The following RBFOX2 variants were observed in gnomAD, a reference collection of about 807,000 sequenced individuals.
RBFOX2 encodes the protein RNA binding protein fox-1 homolog 2.
In RBFOX2, 10 loss-of-function variants were observed where a neutral mutation model predicts 49.1. The observed-to-expected ratio is 0.20, with a 90% CI of 0.13 to 0.35. The LOEUF is 0.35. Ranked by LOEUF, RBFOX2 falls within the 10% of genes least tolerant of loss-of-function variation. The probability of loss-of-function intolerance (pLI) is 1.00; values close to 1 mark genes in which losing one functional copy is unlikely to be tolerated. For missense variants in RBFOX2, 323 were observed against 486.9 expected, an observed-to-expected ratio of 0.66 and a Z score of 3.17; for synonymous variants, 183 against 187.4, an observed-to-expected ratio of 0.98 and a Z score of 0.19.
intron 2 of RBFOX2, among the ~76,000 whole-genome samples, chr22:35,797,678 A>G (rs906399927): frequency 2.0e-5 from 3 of 152,218 alleles, no homozygotes; most frequent in Admixed American, 1.3e-4. Flanking sequence ...ACTGACCGTC[A>G]AAGCAAATAT....
At chr22:35,901,901 G>A (rs1477393958) in intron 1 of RBFOX2, among the ~76,000 whole-genome samples, 1 of 151,992 alleles carries the variant, frequency 6.6e-6, no homozygotes, top group Non-Finnish European at 1.5e-5. Context: ...GGCCAACATG[G>A]TGAAACCCCA....
chr22:35,802,590 G>C (rs1255073724), intron 2 of RBFOX2, among the ~76,000 whole-genome samples: 1 of 152,200 alleles, frequency 6.6e-6, no homozygotes, highest in Non-Finnish European at 1.5e-5. Context: ...AGAGAGGGCA[G>C]ATCTGACTTG....
At chr22:35,891,209 C>A (rs2047198451) in intron 1 of RBFOX2, among the ~76,000 whole-genome samples, 1 of 152,078 alleles carries the variant, frequency 6.6e-6, no homozygotes, top group South Asian at 2.1e-4. Flanking sequence ...TCTCGGCTCA[C>A]TGCAACCTCC....
intron 1 of RBFOX2, among the ~76,000 whole-genome samples, chr22:35,979,724 G>A (rs1343901513): frequency 6.6e-6 from 1 of 152,084 alleles, no homozygotes; most frequent in Non-Finnish European, 1.5e-5. Context: ...AATCAATGGA[G>A]AAAAAATAAT....
At chr22:36,019,067 C>T (rs759332167) in intron 1 of RBFOX2, among the ~76,000 whole-genome samples, 11 of 152,286 alleles carry the variant, frequency 7.2e-5, no homozygotes, top group Admixed American at 5.2e-4. Flanking sequence ...AACCAACATA[C>T]GTAACAAAAC....
At chr22:35,827,009 G>C (rs1158471611) in intron 1 of RBFOX2, among the ~76,000 whole-genome samples, 1 of 152,178 alleles carries the variant, frequency 6.6e-6, no homozygotes, top group African/African-American at 2.4e-5. Context: ...TTTGGTCACA[G>C]TTGCTCTATG....
chr22:36,008,970 T>C (rs542343513), intron 1 of RBFOX2, among the ~76,000 whole-genome samples: 1 of 152,226 alleles, frequency 6.6e-6, no homozygotes. Flanking sequence ...GAAACTGCCA[T>C]AGGATACTGA....
chr22:35,852,127 TAA>T (rs1157641362), intron 1 of RBFOX2, among the ~76,000 whole-genome samples: 1 of 152,156 alleles, frequency 6.6e-6, no homozygotes, highest in East Asian at 1.9e-4. Flanking sequence ...ATAGTTATAA[TAA>T]TTATTTACAT....
chr22:35,983,148 T>C (rs966245829), intron 1 of RBFOX2, among the ~76,000 whole-genome samples: 19 of 152,198 alleles, frequency 1.2e-4, no homozygotes, highest in African/African-American at 4.6e-4. Flanking sequence ...GGGTGATGAA[T>C]GTAGCTATCA....
chr22:35,809,883 T>C, exon 2 of RBFOX2: 1 of 1,614,082 alleles, frequency 6.2e-7, no homozygotes, highest in East Asian at 2.2e-5. Context: ...CTGGCCGGCA[T>C]AGTCTTGAGT....
chr22:35,891,107 G>C (rs937667767), intron 1 of RBFOX2, among the ~76,000 whole-genome samples: 1 of 152,124 alleles, frequency 6.6e-6, no homozygotes. Context: ...ATTATTACCT[G>C]TGCATACAGA....
At chr22:36,017,608 T>C (rs1367300530) in intron 1 of RBFOX2, among the ~76,000 whole-genome samples, 1 of 152,344 alleles carries the variant, frequency 6.6e-6, no homozygotes, top group East Asian at 1.9e-4. Flanking sequence ...TTAAGGTCCC[T>C]AGCTGATCAA....
intron 1 of RBFOX2, among the ~76,000 whole-genome samples, chr22:35,857,568 T>G (rs1285806798): frequency 6.6e-6 from 1 of 152,180 alleles, no homozygotes; most frequent in African/African-American, 2.4e-5. Context: ...TACTCGGGGT[T>G]GAAGGTACAG....
intron 1 of RBFOX2, among the ~76,000 whole-genome samples, chr22:36,001,780 C>A (rs930254577): frequency 6.7e-6 from 1 of 149,642 alleles, no homozygotes; most frequent in Middle Eastern, 3.2e-3. Context: ...AAAAACAGGC[C>A]GGGCCAGACG....
intron 1 of RBFOX2, among the ~76,000 whole-genome samples, chr22:35,882,942 C>T (rs1227319671): frequency 6.6e-6 from 1 of 152,182 alleles, no homozygotes; most frequent in East Asian, 1.9e-4. Flanking sequence ...TCCTTGCAAT[C>T]ACTAAATGGC....
chr22:35,919,834 C>T (rs1291019367), intron 1 of RBFOX2, among the ~76,000 whole-genome samples: 1 of 152,208 alleles, frequency 6.6e-6, no homozygotes, highest in Non-Finnish European at 1.5e-5. Context: ...ATCAATGATT[C>T]ACTTTGCTAT....
Position 35,759,817 on chromosome 22 carries a change from G to A in RBFOX2, c.887+71C>T. ...CGGCAACATCCCAGAAGTTATGAAA[G>A]GGCCATGGTATTCTTTTTTGGTCCA... is the stretch of plus-strand genomic sequence containing the variant. On this transcript the variant is annotated intron_variant, in intron 9 of 11. Transcript: ENST00000405409. The surrounding 1 kb of genome is among the most constrained non-coding windows in gnomAD (Gnocchi z 4.6). 6.3e-7 allele frequency: 1 copy of A among 1,575,832 alleles called. No homozygotes were observed. The highest frequency in any genetic ancestry group is 8.7e-7 in the Non-Finnish European group (1 of 1,150,802).
At chr22:35,760,138 T>C (rs1379627202) in intron 8 of RBFOX2, 118 bp from the exon 10 acceptor site, 2 of 1,357,922 alleles carry the variant, frequency 1.5e-6, no homozygotes, top group Admixed American at 3.9e-5. Flanking sequence ...CCACACCTTT[T>C]TGGAAAAGGT....
At chr22:35,823,993 C>CA (rs1569276497) in intron 1 of RBFOX2, among the ~76,000 whole-genome samples, 1 of 151,978 alleles carries the variant, frequency 6.6e-6, no homozygotes, top group Non-Finnish European at 1.5e-5. Context: ...ACTAAAGATA[C>CA]AAAAAATTAG....
Sources: allele counts gnomAD v4.1 joint callset (sites outside exome capture counted in the v4.1 genomes callset), GRCh38; gene constraint gnomAD v4.1.1; non-coding constraint Gnocchi (gnomAD v3.1); transcripts MANE v1.5; gene names NCBI Gene and HGNC (gene_info 2026-07-23, HGNC 2026-07-21).